Variants in FBN2 observed in about 807,000 individuals in gnomAD.
FBN2 encodes the protein fibrillin 2, also known as fibrillin-2.
A neutral mutation model predicts 355.6 loss-of-function variants in FBN2; 105 were observed. The ratio of observed to expected loss-of-function variants is 0.30; its 90% CI spans 0.25 to 0.35. The LOEUF (loss-of-function observed/expected upper bound fraction) is 0.35. Ranked by LOEUF, FBN2 falls within the 10% of genes least tolerant of loss-of-function variation. The pLI is 1.00. For synonymous variants in FBN2, 1,350 were observed against 1,301.2 expected (o/e 1.04, Z -0.81); for missense variants, 3,280 against 3,758.7 (o/e 0.87, Z 3.33).
intron 20 of FBN2, among the ~76,000 whole-genome samples, chr5:128,353,297 A>G (rs532985716): frequency 1.1e-4 from 17 of 152,344 alleles, no homozygotes; most frequent in African/African-American, 4.1e-4. Context: ...CTGATTCCCT[A>G]GGAAACACAA....
intron 5 of FBN2, among the ~76,000 whole-genome samples, chr5:128,487,570 G>A (rs189916571): frequency 3.9e-5 from 6 of 152,174 alleles, no homozygotes; most frequent in South Asian, 2.1e-4. Context: ...CAAAAAGACC[G>A]TAAGTACATA....
chr5:128,349,967 C>G lies in FBN2; in HGVS notation c.2851G>C (p.Val951Leu). 6.2e-7 allele frequency: 1 copy of G among 1,613,654 alleles called. No individual in the cohort carries two copies. The highest frequency in any genetic ancestry group is 8.5e-7 in the Non-Finnish European group (1 of 1,179,528). The change falls in exon 22 of 65, where the codon GTT (valine) becomes CTT (leucine). Residue 951 changes from valine to leucine, a missense_variant. By Grantham distance (32) the Val-to-Leu change is conservative. Coordinates refer to ENST00000262464, the MANE Select transcript of FBN2 (RefSeq NM_001999.4). Reference protein sequence around the residue: ...CPRGLARIKGVTCEDVNECEV... With the variant: ...CPRGLARIKGLTCEDVNECEV... ...AGGATACACTCACCTTCACACGTAA[C>G]ACCTTTAATCCTGGCAAGCCCTCTT... is the stretch of plus-strand genomic sequence containing the variant.
intron 25 of FBN2, among the ~76,000 whole-genome samples, chr5:128,341,014 G>A (rs891732460): frequency 6.6e-6 from 1 of 152,168 alleles, no homozygotes; most frequent in African/African-American, 2.4e-5. Context: ...GCCACAGATT[G>A]GCTGGACTGG....
At chr5:128,521,621 G>A (rs898044301) in intron 4 of FBN2, among the ~76,000 whole-genome samples, 4 of 152,172 alleles carry the variant, frequency 2.6e-5, no homozygotes, top group Admixed American at 6.6e-5. Context: ...CAATTAAAAT[G>A]TGTGGAATTT....
chr5:128,387,109 C>G (rs552419406), intron 11 of FBN2, among the ~76,000 whole-genome samples: 2 of 152,246 alleles, frequency 1.3e-5, no homozygotes, highest in African/African-American at 4.8e-5. Context: ...ATTACAGATT[C>G]AATTTCAGAA....
At chr5:128,377,440 G>C (rs915600969) in intron 13 of FBN2, among the ~76,000 whole-genome samples, 10 of 151,816 alleles carry the variant, frequency 6.6e-5, no homozygotes, top group African/African-American at 2.4e-4. Flanking sequence ...GTCAGTAATT[G>C]TTTAAACTTA....
chr5:128,500,185 G>C (rs943622848), intron 5 of FBN2, among the ~76,000 whole-genome samples: 3 of 151,894 alleles, frequency 2.0e-5, no homozygotes, highest in Non-Finnish European at 4.4e-5. Flanking sequence ...AAATACAGTA[G>C]AGTAAAACCA....
At chr5:128,320,569 T>C (rs530421798) in intron 34 of FBN2, among the ~76,000 whole-genome samples, 6 of 152,306 alleles carry the variant, frequency 3.9e-5, no homozygotes, top group Admixed American at 2.0e-4. Context: ...ATAATGTAAT[T>C]GTTGTATAAA....
At chr5:128,380,268 C>G (rs331091) in intron 11 of FBN2, among the ~76,000 whole-genome samples, 57,426 of 151,592 alleles carry the variant, frequency 0.38, 11,579 homozygotes, top group Non-Finnish European at 0.47. Context: ...TATGAAATAC[C>G]ACCTTCAGTT....
chr5:128,480,012 A>G (rs1256769312), intron 5 of FBN2, among the ~76,000 whole-genome samples: 140 of 76,398 alleles, frequency 1.8e-3, no homozygotes, highest in Non-Finnish European at 3.0e-3. Flanking sequence ...ATATATATAT[A>G]TATATATATA....
Position 128,310,384 on chromosome 5 carries a change from ATATATATATATATATATATTTTT to A in FBN2, c.5075-299_5075-277del, listed in dbSNP as rs1311561059. ...TTGGCACATATATATATATATATAT[ATATATATATATATATATATTTTT>A]TTTTTTTTTTTTTTATTGCAATTCG... On this transcript the variant is annotated intron_variant, in intron 39 of 64. Transcript: ENST00000262464. 6.4e-3 allele frequency among the ~76,000 whole-genome samples: 86 copies of A among 13,412 alleles called. 3 individuals carry two copies. The South Asian group carries it at 0.14, about 22-fold the overall frequency. The allele number at this position is 13,412 out of a possible 152,430, so 8.8% of individuals were successfully genotyped here.
chr5:128,537,062 G>A (rs2112810125), intron 1 of FBN2, among the ~76,000 whole-genome samples: 1 of 152,148 alleles, frequency 6.6e-6, no homozygotes, highest in Middle Eastern at 3.4e-3. Flanking sequence ...TTCAGAACCT[G>A]TTCCCGCAGC....
chr5:128,442,476 A>G (rs73347134), intron 7 of FBN2: 83 of 348,824 alleles, frequency 2.4e-4, no homozygotes, highest in African/African-American at 1.8e-3. Context: ...TCCCTTCTTC[A>G]TTTAAATTAA....
intron 8 of FBN2, among the ~76,000 whole-genome samples, chr5:128,398,746 T>A (rs1752715156): frequency 6.6e-6 from 1 of 152,186 alleles, no homozygotes; most frequent in African/African-American, 2.4e-5. Flanking sequence ...TCATCGTGAA[T>A]TCCCACATGT....
chr5:128,536,430 C>G lies in FBN2; in HGVS notation c.309G>C (p.Thr103=). 7 of 1,614,058 alleles carry G rather than the reference C, an allele frequency of 4.3e-6. No individual in the cohort carries two copies. Among genetic ancestry groups the G allele is most frequent in the Non-Finnish European group, 5.9e-6 (7 of 1,179,982 alleles). ...CAATGCACTGGTTTCCTCCAGGGAG[C>G]GTCTTCCATCCAGGGCAGCAGTAGG... ...FHSYCCPGWK[T]LPGGNQCIVP... is the part of the protein sequence containing the mutation. The change falls in exon 2 of 65, where the codon ACG becomes ACC. Residue 103 remains threonine (T), a synonymous_variant. Transcript: ENST00000262464.
chr5:128,335,980 C>A lies in FBN2; in HGVS notation c.3724+8G>T, dbSNP rs1750826889. ...TATGAGTTTCAGGCCTGCTTGGTCT[C>A]CCCTTACCTGTACAGCCCTGGCGGT... On this transcript the variant is annotated splice_region_variant and intron_variant, in intron 28 of 64. Transcript: ENST00000262464. The A allele has an allele frequency of 6.2e-7, 1 of 1,613,766 alleles. No individual in the cohort carries two copies. The highest frequency in any genetic ancestry group is 1.1e-5 in the South Asian group (1 of 91,064).
At position 128,263,663 on chromosome 5, in the gene FBN2, A is replaced by T. The variant is rs754614841; in HGVS notation, c.7961-7T>A. On this transcript the variant is annotated splice_region_variant and splice_polypyrimidine_tract_variant and intron_variant, in intron 62 of 64. Coordinates refer to ENST00000262464, the MANE Select transcript of FBN2 (RefSeq NM_001999.4). The stretch of plus-strand genomic sequence containing the variant: ...TTGGAGCATTCATTCTCATCTAGTG[A>T]AACGAAGAAAGAAACTCTTACACGG... 9.3e-6 allele frequency: 15 copies of T among 1,605,012 alleles called. No homozygotes were observed. The highest frequency in any genetic ancestry group is 1.3e-5 in the Non-Finnish European group (15 of 1,172,590).
chr5:128,285,808 T>C (rs1749131768), intron 55 of FBN2, among the ~76,000 whole-genome samples: 1 of 152,198 alleles, frequency 6.6e-6, no homozygotes, highest in Non-Finnish European at 1.5e-5. Context: ...GATAGTATAA[T>C]ATAAAATTCA....
intron 8 of FBN2, among the ~76,000 whole-genome samples, chr5:128,397,556 G>T (rs1752681329): frequency 6.6e-6 from 1 of 152,140 alleles, no homozygotes; most frequent in African/African-American, 2.4e-5. Flanking sequence ...ACAGAACATG[G>T]TTGGTGGGAG....
Sources: gnomAD v4.1 joint callset for allele counts (sites outside exome capture counted in the v4.1 genomes callset) on GRCh38, gnomAD v4.1.1 for gene constraint, MANE v1.5 for transcripts, NCBI Gene and HGNC (gene_info 2026-07-23, HGNC 2026-07-21) for gene names.